ETV1: variants seen among roughly 807,000 people sequenced by gnomAD.
ETV1 encodes the protein ETS translocation variant 1.
ETV1 carries 27 observed loss-of-function variants against 62.3 expected under a neutral mutation model. The observed-to-expected ratio is 0.43, with a 90% confidence interval of 0.32 to 0.60. ETV1 has a LOEUF of 0.60. ETV1 is among the 20% of genes least tolerant of loss of function. The pLI, the probability that ETV1 is intolerant of heterozygous loss-of-function variation, is 0.06. For synonymous variants in ETV1, 222 were observed against 199.6 expected (o/e 1.11, Z -0.94); for missense variants, 605 against 605.8 (o/e 1.00, Z 0.01).
chr7:13,904,814 T>C (rs192190308), intron 12 of ETV1, among the ~76,000 whole-genome samples: 162 of 152,002 alleles, frequency 1.1e-3, no homozygotes, highest in Non-Finnish European at 8.8e-5. Flanking sequence ...TGTTAAATGC[T>C]TCTAGTCTCA....
intron 5 of ETV1, among the ~76,000 whole-genome samples, chr7:13,985,191 T>G (rs919549431): frequency 6.6e-6 from 1 of 152,056 alleles, no homozygotes; most frequent in Admixed American, 6.6e-5. Flanking sequence ...GCAAAACTAA[T>G]AGGCATAAGT....
chr7:13,952,486 G>C (rs1307280218), intron 6 of ETV1, among the ~76,000 whole-genome samples: 2 of 152,156 alleles, frequency 1.3e-5, no homozygotes, highest in African/African-American at 2.4e-5. Flanking sequence ...GGCAACCAAT[G>C]TTCATAATGG....
chr7:13,899,350 G>A (rs1331756852), intron 13 of ETV1, among the ~76,000 whole-genome samples: 1 of 152,170 alleles, frequency 6.6e-6, no homozygotes, highest in Non-Finnish European at 1.5e-5. Flanking sequence ...GCATGATTGA[G>A]AAAACAGGAA....
chr7:13,903,423 T>A (rs1015999873), intron 12 of ETV1, among the ~76,000 whole-genome samples: 1 of 152,074 alleles, frequency 6.6e-6, no homozygotes, highest in African/African-American at 2.4e-5. Flanking sequence ...TTCAATTTCA[T>A]CAAAAGACTT....
Position 13,989,437 on chromosome 7 carries a change from A to G in ETV1, c.-257T>C. 2.3e-6 allele frequency: 1 copy of G among 429,918 alleles called. No homozygotes were observed. Among genetic ancestry groups the G allele is most frequent in the Non-Finnish European group, 4.1e-6 (1 of 245,646 alleles). 26.6% of individuals were successfully genotyped at this position (429,918 alleles called of 1,614,324 possible). On this transcript the variant is annotated 5_prime_UTR_variant, in exon 2 of 14. Coordinates refer to ENST00000430479, the MANE Select transcript of ETV1 (RefSeq NM_004956.5). ...GTGTGCAAAACTAGCAATGGCGATC[A>G]ACGAGACTTGCTTTGCACCTAACGG...
At chr7:13,985,220 G>A (rs1441542008) in intron 5 of ETV1, 1 of 151,972 alleles carries the variant, frequency 6.6e-6, no homozygotes, top group Non-Finnish European at 1.5e-5. Flanking sequence ...GAATCTCCAT[G>A]CAAATTTTCC....
chr7:13,951,578 A>G (rs550997817), intron 6 of ETV1, among the ~76,000 whole-genome samples: 4 of 152,304 alleles, frequency 2.6e-5, no homozygotes, highest in African/African-American at 9.6e-5. Context: ...GCCAAAAGAG[A>G]ACATATAGAT....
At chr7:13,918,689 G>A (rs1426948075) in intron 9 of ETV1, among the ~76,000 whole-genome samples, 12 of 150,382 alleles carry the variant, frequency 8.0e-5, no homozygotes, top group South Asian at 6.4e-4. Flanking sequence ...TCACATGGAC[G>A]CAGGAAGAGG....
intron 6 of ETV1, 101 bp from the exon 7 acceptor site, chr7:13,939,347 A>G: frequency 5.1e-6 from 5 of 973,726 alleles, no homozygotes; most frequent in Non-Finnish European, 7.3e-6. Flanking sequence ...TTCACATTTC[A>G]TATTAACTTA....
intron 9 of ETV1, among the ~76,000 whole-genome samples, chr7:13,916,619 A>G (rs1199772501): frequency 6.6e-6 from 1 of 151,954 alleles, no homozygotes; most frequent in Non-Finnish European, 1.5e-5. Flanking sequence ...GCTGTGACAG[A>G]GTGAGACTCC....
rs1265671773 is a variant in ETV1 at position 13,891,716 on chromosome 7, CA to C, written c.*4149del. On this transcript the variant is annotated 3_prime_UTR_variant, in exon 14 of 14. Transcript: ENST00000430479. ...CCATCTTTTTGAAACTTGATTTTTC[CA>C]ATTCTTAGTAGAATTGCTTAATATG... 4.3e-6 allele frequency: 1 copy of C among 231,824 alleles called. No homozygotes were observed. Among genetic ancestry groups the C allele is most frequent in the African/African-American group, 2.2e-5 (1 of 45,240 alleles). The allele number at this position is 231,824 out of a possible 1,614,324, so 14.4% of individuals were successfully genotyped here. A position where few individuals can be genotyped will look rare whatever the true frequency, so the allele number is the denominator to read the frequency against.
At chr7:13,984,734 G>A (rs1182844348) in intron 5 of ETV1, among the ~76,000 whole-genome samples, 3 of 151,758 alleles carry the variant, frequency 2.0e-5, no homozygotes, top group African/African-American at 7.3e-5. Flanking sequence ...CTAAGTAAAG[G>A]TCCATGTTCT....
chr7:13,903,759 T>C, intron 12 of ETV1, among the ~76,000 whole-genome samples: 1 of 84,530 alleles, frequency 1.2e-5, no homozygotes, highest in African/African-American at 7.2e-5. Context: ...TGAGATTCCA[T>C]CTCAAAAAAA....
At chr7:13,955,180 T>C (rs1257006173) in intron 6 of ETV1, among the ~76,000 whole-genome samples, 1 of 152,194 alleles carries the variant, frequency 6.6e-6, no homozygotes, top group African/African-American at 2.4e-5. Context: ...AAATGTTCTT[T>C]AAAAATCCCT....
rs1050891045 is a variant in ETV1, at chr7:13,894,473, T to C, written c.*1393A>G. The C allele has an allele frequency of 8.6e-6, 2 of 232,726 alleles. No homozygotes were observed. The highest frequency in any genetic ancestry group is 1.7e-5 in the Non-Finnish European group (2 of 117,540). 14.4% of individuals were successfully genotyped at this position (232,726 alleles called of 1,614,324 possible). On this transcript the variant is annotated 3_prime_UTR_variant, in exon 14 of 14. Transcript: ENST00000430479. ...TAATATCAGTGCCAGCACTATGTCATACAGCAACTTCCTCATATTCTTTGA... is the reference window on the plus strand; with the variant it reads ...TAATATCAGTGCCAGCACTATGTCACACAGCAACTTCCTCATATTCTTTGA...
rs1781514230 is a variant in ETV1 at position 13,893,417 on chromosome 7, A to G, written c.*2449T>C. 8.7e-6 allele frequency: 2 copies of G among 230,450 alleles called. No individual in the cohort carries two copies. Among genetic ancestry groups the G allele is most frequent in the Admixed American group, 5.6e-5 (1 of 17,704 alleles). The allele number at this position is 230,450 out of a possible 1,614,324, so 14.3% of individuals were successfully genotyped here. A position where few individuals can be genotyped will look rare whatever the true frequency, so the allele number is the denominator to read the frequency against. On this transcript the variant is annotated 3_prime_UTR_variant, in exon 14 of 14. Transcript: ENST00000430479. Reference sequence around the variant, plus strand: ...AATGTAATATTTTCAACCCTTCTGTATTGGAAATACACTTAATGTTGGTCA... The same window carrying G: ...AATGTAATATTTTCAACCCTTCTGTGTTGGAAATACACTTAATGTTGGTCA...
chr7:13,959,855 C>A (rs1789950594), intron 6 of ETV1, among the ~76,000 whole-genome samples: 1 of 140,760 alleles, frequency 7.1e-6, no homozygotes, highest in Non-Finnish European at 1.5e-5. Context: ...TGCCCTCCAG[C>A]CTGGGCAACA....
At chr7:13,907,797 G>A (rs1252020015) in intron 11 of ETV1, 3 of 468,920 alleles carry the variant, frequency 6.4e-6, no homozygotes, top group African/African-American at 4.0e-5. Flanking sequence ...ACTTACCTAT[G>A]GTCAGTAGAG....
intron 6 of ETV1, among the ~76,000 whole-genome samples, chr7:13,943,815 A>G (rs1425109201): frequency 1.3e-5 from 2 of 152,226 alleles, no homozygotes; most frequent in African/African-American, 4.8e-5. Flanking sequence ...TGTAAAATTC[A>G]TCAAACTATG....
Sources: gnomAD v4.1 joint callset for allele counts (sites outside exome capture counted in the v4.1 genomes callset) on GRCh38, gnomAD v4.1.1 for gene constraint, MANE v1.5 for transcripts, NCBI Gene and HGNC (gene_info 2026-07-23, HGNC 2026-07-21) for gene names.